SIPA1L2: variants seen among roughly 807,000 people sequenced by gnomAD.
SIPA1L2 encodes signal-induced proliferation-associated 1-like protein 2.
In SIPA1L2, 56 loss-of-function variants were observed where a neutral mutation model predicts 163.9. That is an observed-to-expected ratio of 0.34 (90% CI 0.28 to 0.43). The LOEUF is 0.43. SIPA1L2 is among the 20% of genes least tolerant of loss of function. The pLI is 1.00. For synonymous variants in SIPA1L2, 877 were observed against 865.7 expected (o/e 1.01, Z -0.23); for missense variants, 1,974 against 2,193.5 (o/e 0.90, Z 2.00).
At chr1:232,622,307 A>G (rs988936224) in intron 1 of SIPA1L2, among the ~76,000 whole-genome samples, 1 of 152,234 alleles carries the variant, frequency 6.6e-6, no homozygotes, top group Non-Finnish European at 1.5e-5. Context: ...CACCTACCAC[A>G]TTTAAGGCAT....
In SIPA1L2 at chr1:232,599,620, G is replaced by A. The variant is rs534860728; in HGVS notation, c.-318-25398C>T. 2.0e-5 allele frequency among the ~76,000 whole-genome samples: 3 copies of A among 152,310 alleles called. No homozygotes were observed. In the South Asian group the frequency reaches 6.2e-4, roughly 32 times the overall value. The stretch of plus-strand genomic sequence containing the variant: ...GACCTCGAAGTTCTGGTGAGTTTTG[G>A]TGAGAGCGGCTACACGGTGGGGTAG... On this transcript the variant is annotated intron_variant, in intron 1 of 22. Coordinates refer to ENST00000674635, the MANE Select transcript of SIPA1L2 (RefSeq NM_020808.5).
rs539801803 is a variant in SIPA1L2 at position 232,481,890 on chromosome 1, T to TTTGA, written c.1981+1898_1981+1901dup. Among the ~76,000 whole-genome samples, 52 of 152,298 alleles carry TTTGA rather than the reference T, an allele frequency of 3.4e-4. 1 individual carries two copies. The highest frequency in any genetic ancestry group is 8.5e-4 in the Admixed American group (13 of 15,300). On this transcript the variant is annotated intron_variant, in intron 6 of 22. Coordinates refer to ENST00000674635, the MANE Select transcript of SIPA1L2 (RefSeq NM_020808.5). ...CCTTGTGAGGAATCTGAGGCCCAGA[T>TTTGA]TTGACCTAAGTCTTCTAACCAGAAC... is the stretch of plus-strand genomic sequence containing the variant.
At chr1:232,453,865 T>C (rs1020193265) in intron 10 of SIPA1L2, among the ~76,000 whole-genome samples, 1 of 151,954 alleles carries the variant, frequency 6.6e-6, no homozygotes, top group African/African-American at 2.4e-5. Flanking sequence ...CTAAAACAAA[T>C]TAAATGTTTT....
intron 2 of SIPA1L2, among the ~76,000 whole-genome samples, chr1:232,527,428 T>C (rs1667760033): frequency 6.6e-6 from 1 of 152,186 alleles, no homozygotes; most frequent in Non-Finnish European, 1.5e-5. Flanking sequence ...ACCATTTTAA[T>C]TCACTAGGCA....
intron 3 of SIPA1L2, among the ~76,000 whole-genome samples, chr1:232,501,219 G>A (rs1477412387): frequency 2.6e-5 from 4 of 151,774 alleles, no homozygotes; most frequent in South Asian, 2.1e-4. Flanking sequence ...CACCACACCC[G>A]GCTAATGCAA....
At chr1:232,527,720 T>C (rs2103075089) in intron 2 of SIPA1L2, among the ~76,000 whole-genome samples, 1 of 107,500 alleles carries the variant, frequency 9.3e-6, no homozygotes, top group Middle Eastern at 4.4e-3. Context: ...ATTCTTCTTC[T>C]TCTTCTTTTT....
intron 2 of SIPA1L2, among the ~76,000 whole-genome samples, chr1:232,535,439 T>C (rs1657245772): frequency 1.3e-5 from 2 of 152,288 alleles, no homozygotes; most frequent in Middle Eastern, 3.4e-3. Flanking sequence ...AGCCGGAATT[T>C]TAATGTTCTT....
chr1:232,530,122 C>A (rs1397988956), intron 2 of SIPA1L2, among the ~76,000 whole-genome samples: 1 of 145,452 alleles, frequency 6.9e-6, no homozygotes, highest in African/African-American at 2.5e-5. Flanking sequence ...ACCATTTATT[C>A]TTTTTTTTTT....
At chr1:232,429,625 A>C (rs188491842) in intron 16 of SIPA1L2, among the ~76,000 whole-genome samples, 366 of 151,890 alleles carry the variant, frequency 2.4e-3, no homozygotes, top group Middle Eastern at 0.014. Context: ...AAAAAAAAAG[A>C]AGCATTTCAT....
At chr1:232,612,143 G>A (rs1662272534) in intron 1 of SIPA1L2, among the ~76,000 whole-genome samples, 3 of 152,224 alleles carry the variant, frequency 2.0e-5, no homozygotes, top group Admixed American at 6.5e-5. Flanking sequence ...CAAGAACTGA[G>A]GTTTGGGAAC....
intron 16 of SIPA1L2, among the ~76,000 whole-genome samples, chr1:232,431,616 A>C (rs1051779002): frequency 6.6e-6 from 1 of 152,210 alleles, no homozygotes. Flanking sequence ...TTTACGAAAT[A>C]AGCAAATAGT....
Position 232,514,893 on chromosome 1 carries a change from G to T in SIPA1L2, c.447C>A (p.Pro149=), listed in dbSNP as rs768375459. The change falls in exon 3 of 23, where the codon CCC becomes CCA. Residue 149 remains proline (P), a synonymous_variant. Transcript: ENST00000674635. ...GTCTTATGGGGTGAAGTCCTCTTTG[G>T]GGGGAATGGACAAAGATGTCTCCGA... The part of the protein sequence containing the change: ...YTIGDIFVHS[P]QRGLHPIRQR... The T allele has an allele frequency of 3.7e-6, 6 of 1,613,982 alleles. No homozygotes were observed. In the South Asian group the frequency reaches 4.4e-5, roughly 12 times the overall value.
At position 232,493,531 on chromosome 1, in the gene SIPA1L2, C is replaced by T. The variant is rs1016123450; in HGVS notation, c.1613G>A (p.Ser538Asn). Residue 538 changes from serine (S) to asparagine (N), a missense_variant, in exon 4 of 23, where the codon AGT becomes AAT. By Grantham distance (46) the Ser-to-Asn change is conservative. This residue lies in a region of SIPA1L2 where 288 missense variants were observed against 418.9 expected (regional missense o/e 0.69). Transcript: ENST00000674635. ...TACGGCAAGCAGCCCCATTACCTCA[C>T]TTGTCCTGAAAGCCACCCTGTAGTT... is the stretch of plus-strand genomic sequence containing the variant. ...QFNYRVAFRT[S>N]ELTTLRGAIL... is the part of the protein sequence containing the mutation. 1 of 1,614,042 alleles carries T rather than the reference C, an allele frequency of 6.2e-7. No homozygotes were observed. The highest frequency in any genetic ancestry group is 2.2e-5 in the East Asian group (1 of 44,876).
intron 2 of SIPA1L2, among the ~76,000 whole-genome samples, chr1:232,569,760 C>A (rs1573099361): frequency 6.6e-6 from 1 of 152,192 alleles, no homozygotes; most frequent in Non-Finnish European, 1.5e-5. Flanking sequence ...CTGCAGCGAG[C>A]CAAGATGGCA....
intron 3 of SIPA1L2, among the ~76,000 whole-genome samples, chr1:232,508,168 T>C (rs1277951586): frequency 6.6e-6 from 1 of 152,156 alleles, no homozygotes; most frequent in Non-Finnish European, 1.5e-5. Flanking sequence ...CAAAACAACG[T>C]TCCCGAAGGC....
intron 1 of SIPA1L2, among the ~76,000 whole-genome samples, chr1:232,596,373 G>A (rs1339279022): frequency 2.0e-5 from 3 of 152,126 alleles, no homozygotes; most frequent in Admixed American, 6.5e-5. Context: ...CATGTGAAAC[G>A]AATTTCAAAC....
At chr1:232,469,763 T>C (rs1489001460) in intron 8 of SIPA1L2, among the ~76,000 whole-genome samples, 1 of 152,000 alleles carries the variant, frequency 6.6e-6, no homozygotes, top group Non-Finnish European at 1.5e-5. Context: ...ATTAATTAAA[T>C]ACATTCAAAA....
chr1:232,558,840 C>CA (rs1658874480), intron 2 of SIPA1L2, among the ~76,000 whole-genome samples: 1 of 152,150 alleles, frequency 6.6e-6, no homozygotes, highest in African/African-American at 2.4e-5. Context: ...AAACAGATAA[C>CA]AATTTATTCA....
In SIPA1L2 at chr1:232,464,964, T is replaced by G; in HGVS notation, c.2696A>C (p.Asp899Ala). The stretch of plus-strand genomic sequence containing the variant: ...TAATCCAGATGTCCACCCAATCACA[T>G]CCCTGCAGGAACAGTTGAATACAAC... ...KNVVFNCSCRDVIGWTSGLVS... is the reference protein window; with the variant it reads ...KNVVFNCSCRAVIGWTSGLVS... Residue 899 changes from aspartate to alanine, a missense_variant, in exon 9 of 23, where the codon GAT becomes GCT. This residue lies in a region of SIPA1L2 where 1,079 missense variants were observed against 1,150.7 expected (regional missense o/e 0.94). Coordinates refer to ENST00000674635, the MANE Select transcript of SIPA1L2 (RefSeq NM_020808.5). The G allele has an allele frequency of 6.2e-7, 1 of 1,614,188 alleles. No homozygotes were observed.
Sources: allele counts gnomAD v4.1 joint callset (sites outside exome capture counted in the v4.1 genomes callset), GRCh38; gene constraint gnomAD v4.1.1; regional missense constraint gnomAD v4.1.1; transcripts MANE v1.5; gene names NCBI Gene and HGNC (gene_info 2026-07-23, HGNC 2026-07-21).